SCN9A: variants seen among roughly 807,000 people sequenced by gnomAD.
SCN9A encodes sodium voltage-gated channel alpha subunit 9.
In SCN9A, 131 loss-of-function variants were observed where a neutral mutation model predicts 187.0. The ratio of observed to expected loss-of-function variants is 0.70; its 90% CI spans 0.61 to 0.81. The LOEUF (loss-of-function observed/expected upper bound fraction) is 0.81, where lower values mean the gene tolerates loss of function less well. Ranked by LOEUF, SCN9A falls within the 30% of genes least tolerant of loss-of-function variation. The pLI is 0.00. For synonymous variants in SCN9A, 809 were observed against 808.6 expected (o/e 1.00, Z -0.01); for missense variants, 2,252 against 2,396.6 (o/e 0.94, Z 1.26).
intron 3 of SCN9A, 61 bp downstream of exon 3, chr2:166,306,895 A>C (rs1230048109): frequency 1.0e-6 from 1 of 957,656 alleles, no homozygotes; most frequent in Non-Finnish European, 1.6e-6. Context: ...CTATATTTGA[A>C]TAAAATAGCA....
intron 23 of SCN9A, 88 bp from the exon 24 acceptor site, chr2:166,226,792 T>G: frequency 1.0e-6 from 1 of 953,534 alleles, no homozygotes; most frequent in Non-Finnish European, 1.5e-6. Flanking sequence ...ATTCAAACAG[T>G]GCTATCCTAG....
At chr2:166,264,899 A>T (rs1167558751) in intron 17 of SCN9A, among the ~76,000 whole-genome samples, 1 of 151,996 alleles carries the variant, frequency 6.6e-6, no homozygotes, top group East Asian at 1.9e-4. Flanking sequence ...AATCCAAGTA[A>T]GCTAGGGATT....
intron 1 of SCN9A, among the ~76,000 whole-genome samples, chr2:166,314,318 G>T (rs1199580981): frequency 2.0e-5 from 3 of 152,154 alleles, no homozygotes; most frequent in African/African-American, 7.2e-5. Context: ...AAGTATGCCT[G>T]TATTTTGATG....
rs147623238 is a variant in SCN9A at position 166,272,699 on chromosome 2, C to G, written c.3051G>C (p.Lys1017Asn). Residue 1017 changes from lysine (K) to asparagine (N), a missense_variant, in exon 17 of 27, where the codon AAG becomes AAC. Transcript: ENST00000642356. ...REFILKAFSK[K>N]PKISREIRQA... ...GTCTTATCTCCCTGGAAATCTTTGG[C>G]TTTTTGGAAAATGCTTTTAGAATAA... The G allele has an allele frequency of 2.7e-4, 438 of 1,596,900 alleles. 1 individual carries two copies. The African/African-American group carries it at 5.2e-3, about 19-fold the overall frequency.
intron 1 of SCN9A, among the ~76,000 whole-genome samples, chr2:166,365,216 T>C (rs1254540576): frequency 2.0e-5 from 3 of 152,116 alleles, no homozygotes; most frequent in Non-Finnish European, 4.4e-5. Context: ...AGGAAGAGAA[T>C]ATAGGACATT....
At chr2:166,304,179 C>G in intron 6 of SCN9A, 59 bp downstream of exon 6, 1 of 1,609,868 alleles carries the variant, frequency 6.2e-7, no homozygotes, top group Non-Finnish European at 8.5e-7. Flanking sequence ...GAACAAAGAA[C>G]AACTCCCAAA....
At position 166,298,529 on chromosome 2, in the gene SCN9A, C is replaced by T. The variant is rs574770145; in HGVS notation, c.902-3867G>A. ...ATTTGGAAAGGCATTTCGGAAAATA[C>T]TTTGCTATAGGCACCAGAAAATGCT... is the stretch of plus-strand genomic sequence containing the variant. On this transcript the variant is annotated intron_variant, in intron 7 of 26. Transcript: ENST00000642356. 3.3e-5 allele frequency among the ~76,000 whole-genome samples: 5 copies of T among 152,338 alleles called. No individual in the cohort carries two copies. In the South Asian group the frequency reaches 8.3e-4, roughly 25 times the overall value.
intron 1 of SCN9A, among the ~76,000 whole-genome samples, chr2:166,369,766 A>G (rs1700504232): frequency 6.6e-6 from 1 of 152,220 alleles, no homozygotes; most frequent in Admixed American, 6.5e-5. Context: ...TCTGAGCCCT[A>G]AAAGATACAC....
intron 1 of SCN9A, among the ~76,000 whole-genome samples, chr2:166,374,140 C>G (rs901103717): frequency 6.6e-6 from 1 of 152,202 alleles, no homozygotes; most frequent in Non-Finnish European, 1.5e-5. Context: ...AGAGCCAGAC[C>G]TGACTCATCT....
chr2:166,298,106 G>A (rs565628055), intron 7 of SCN9A, among the ~76,000 whole-genome samples: 4 of 152,318 alleles, frequency 2.6e-5, no homozygotes, highest in African/African-American at 9.6e-5. Context: ...AACTAGTGCA[G>A]GGGATCAGGA....
At chr2:166,224,449 T>G (rs1694759951) in intron 24 of SCN9A, among the ~76,000 whole-genome samples, 1 of 152,160 alleles carries the variant, frequency 6.6e-6, no homozygotes, top group Admixed American at 6.6e-5. Flanking sequence ...TCTGTCTTCT[T>G]AGATGCTAAG....
intron 19 of SCN9A, 65 bp from the exon 20 acceptor site, chr2:166,238,332 A>G (rs1695412670): frequency 1.5e-5 from 16 of 1,092,926 alleles, no homozygotes; most frequent in Non-Finnish European, 2.0e-5. Context: ...TTTAAAAAAA[A>G]CAGGAAAAAT....
At chr2:166,368,686 T>TAAAAA (rs67339035) in intron 1 of SCN9A, among the ~76,000 whole-genome samples, 6 of 134,558 alleles carry the variant, frequency 4.5e-5, no homozygotes, top group African/African-American at 8.4e-5. Context: ...GAAACTTAAT[T>TAAAAA]AAAAAAAAAA....
At position 166,204,474 on chromosome 2, in the gene SCN9A, CA is replaced by C. The variant is rs750409774; in HGVS notation, c.4399-11del. On this transcript the variant is annotated splice_polypyrimidine_tract_variant and intron_variant, in intron 24 of 26. Transcript: ENST00000642356. Reference sequence around the variant, plus strand: ...TGTCTTGACCTCCAAGGTAAAGAAACAAACAAAAAATAAATGTAGTTAAAAC... The same window carrying C: ...TGTCTTGACCTCCAAGGTAAAGAAACAACAAAAAATAAATGTAGTTAAAAC... 3.8e-5 allele frequency: 1 copy of C among 26,630 alleles called. No individual in the cohort carries two copies. The highest frequency in any genetic ancestry group is 4.7e-5 in the Non-Finnish European group (1 of 21,126). The allele number at this position is 26,630 out of a possible 1,614,324, so 1.6% of individuals were successfully genotyped here.
chr2:166,348,670 G>A (rs72884753), intron 1 of SCN9A, among the ~76,000 whole-genome samples: 8,194 of 152,088 alleles, frequency 0.054, 282 homozygotes, highest in African/African-American at 0.086. Flanking sequence ...ACCCACAAGG[G>A]CCTGTCCTAA....
At chr2:166,223,846 A>T (rs1311171949) in intron 24 of SCN9A, among the ~76,000 whole-genome samples, 12 of 152,162 alleles carry the variant, frequency 7.9e-5, no homozygotes, top group Admixed American at 7.9e-4. Context: ...GTACTTCTAC[A>T]TAGCATGTGT....
intron 1 of SCN9A, among the ~76,000 whole-genome samples, chr2:166,346,907 G>C (rs1201045701): frequency 6.6e-6 from 1 of 152,162 alleles, no homozygotes; most frequent in African/African-American, 2.4e-5. Context: ...CAATAGTTTT[G>C]AGAAAAGCAT....
chr2:166,285,067 T>C (rs1249717747), intron 11 of SCN9A, among the ~76,000 whole-genome samples: 1 of 152,230 alleles, frequency 6.6e-6, no homozygotes, highest in Non-Finnish European at 1.5e-5. Flanking sequence ...AGCTCTCTAA[T>C]ATTCTGGCCT....
intron 17 of SCN9A, among the ~76,000 whole-genome samples, chr2:166,271,117 A>C (rs547219469): frequency 1.8e-4 from 28 of 152,240 alleles, no homozygotes; most frequent in Middle Eastern, 3.4e-3. Context: ...AATTTACAGT[A>C]CTATTTGATG....
Sources: allele counts gnomAD v4.1 joint callset (sites outside exome capture counted in the v4.1 genomes callset), GRCh38; gene constraint gnomAD v4.1.1; transcripts MANE v1.5; gene names NCBI Gene and HGNC (gene_info 2026-07-23, HGNC 2026-07-21).